SLC9A9: variants seen among roughly 807,000 people sequenced by gnomAD.
The protein encoded by SLC9A9 is solute carrier family 9 member A9.
A neutral mutation model predicts 77.8 loss-of-function variants in SLC9A9; 62 were observed. That is an observed-to-expected ratio of 0.80 (90% CI 0.65 to 0.98). The LOEUF is 0.98. SLC9A9 is among the 50% of genes least tolerant of loss of function. The pLI, the probability that SLC9A9 is intolerant of heterozygous loss-of-function variation, is 0.00. For missense variants in SLC9A9, 775 were observed against 774.9 expected, an observed-to-expected ratio of 1.00 and a Z score of 0.00; for synonymous variants, 320 against 283.5, an observed-to-expected ratio of 1.13 and a Z score of -1.29.
intron 6 of SLC9A9, 107 bp from the exon 7 acceptor site, chr3:143,578,830 G>T (rs896144394): frequency 8.0e-6 from 11 of 1,369,410 alleles, no homozygotes; most frequent in Non-Finnish European, 1.1e-5. Context: ...AATGTTGGGT[G>T]CTGGTTGGAA....
intron 11 of SLC9A9, among the ~76,000 whole-genome samples, chr3:143,480,680 G>A (rs947815128): frequency 6.6e-5 from 10 of 152,304 alleles, no homozygotes; most frequent in East Asian, 1.9e-4. Context: ...GTGGAAGTTC[G>A]TCTTCTTAAA....
chr3:143,753,521 C>T (rs188628460), intron 4 of SLC9A9, among the ~76,000 whole-genome samples: 1 of 152,226 alleles, frequency 6.6e-6, no homozygotes, highest in Non-Finnish European at 1.5e-5. Context: ...TAATGCTGCA[C>T]AAGCATTTTG....
intron 13 of SLC9A9, among the ~76,000 whole-genome samples, chr3:143,368,426 C>G (rs1206039822): frequency 6.6e-6 from 1 of 152,148 alleles, no homozygotes; most frequent in East Asian, 1.9e-4. Context: ...ATTCCTTTGT[C>G]AATATTCAAA....
At chr3:143,835,407 T>G (rs2009543948) in intron 1 of SLC9A9, among the ~76,000 whole-genome samples, 2 of 152,232 alleles carry the variant, frequency 1.3e-5, no homozygotes, top group South Asian at 2.1e-4. Flanking sequence ...AAAAAACCCA[T>G]GCACTCATTT....
intron 4 of SLC9A9, among the ~76,000 whole-genome samples, chr3:143,739,768 T>C (rs988682023): frequency 6.6e-6 from 1 of 152,206 alleles, no homozygotes; most frequent in Admixed American, 6.6e-5. Flanking sequence ...CCAGTGGTTC[T>C]CAGTGTGCTC....
At chr3:143,453,921 A>C (rs1409768272) in intron 12 of SLC9A9, among the ~76,000 whole-genome samples, 1 of 152,136 alleles carries the variant, frequency 6.6e-6, no homozygotes, top group African/African-American at 2.4e-5. Flanking sequence ...CCCATATGAA[A>C]GGGTTTGAAG....
At position 143,755,145 on chromosome 3, in the gene SLC9A9, GT is replaced by G. The variant is rs565110084; in HGVS notation, c.533+39855del. ...AACCACAACTTGCTAGGAAATAGGT[GT>G]TTGCACAATAGGTGATTTAGGAGTC... On this transcript the variant is annotated intron_variant, in intron 4 of 15. Coordinates refer to ENST00000316549, the MANE Select transcript of SLC9A9 (RefSeq NM_173653.4). Among the ~76,000 whole-genome samples the G allele has an allele frequency of 3.6e-3, 551 of 152,262 alleles. 2 individuals carry two copies. The highest frequency in any genetic ancestry group is 0.02 in the Middle Eastern group (6 of 294).
intron 12 of SLC9A9, among the ~76,000 whole-genome samples, chr3:143,390,168 C>A (rs1224839662): frequency 6.6e-6 from 1 of 152,240 alleles, no homozygotes; most frequent in African/African-American, 2.4e-5. Flanking sequence ...ATTTACTTTT[C>A]TCCTAGACAT....
intron 9 of SLC9A9, among the ~76,000 whole-genome samples, chr3:143,496,279 C>T (rs944223409): frequency 6.6e-6 from 1 of 152,124 alleles, no homozygotes; most frequent in African/African-American, 2.4e-5. Flanking sequence ...GGGAAATGTT[C>T]CAGGGGCTAC....
intron 4 of SLC9A9, among the ~76,000 whole-genome samples, chr3:143,725,652 C>T (rs568585093): frequency 2.2e-4 from 30 of 134,728 alleles, no homozygotes; most frequent in African/African-American, 7.6e-4. Context: ...AACCAAACAC[C>T]GCATGTTCTC....
At chr3:143,741,619 C>T (rs1318550793) in intron 4 of SLC9A9, among the ~76,000 whole-genome samples, 2 of 152,094 alleles carry the variant, frequency 1.3e-5, no homozygotes, top group Non-Finnish European at 2.9e-5. Context: ...AGGGAAAAAT[C>T]GTAACTCTAC....
chr3:143,540,879 C>A (rs1419507130), intron 9 of SLC9A9, among the ~76,000 whole-genome samples: 3 of 152,058 alleles, frequency 2.0e-5, no homozygotes, highest in African/African-American at 7.2e-5. Context: ...ATTGTTGATA[C>A]TAAATTTTTT....
At chr3:143,667,500 G>C (rs2039088559) in intron 5 of SLC9A9, among the ~76,000 whole-genome samples, 1 of 152,162 alleles carries the variant, frequency 6.6e-6, no homozygotes. Context: ...TTAAACTAAA[G>C]AGCTTTTGCA....
intron 4 of SLC9A9, among the ~76,000 whole-genome samples, chr3:143,790,226 A>T (rs977735984): frequency 1.3e-5 from 2 of 152,196 alleles, no homozygotes; most frequent in African/African-American, 4.8e-5. Context: ...AGCCATGCGG[A>T]ACTGTGAGTC....
intron 14 of SLC9A9, among the ~76,000 whole-genome samples, chr3:143,324,919 C>T (rs1290008227): frequency 6.6e-6 from 1 of 152,170 alleles, no homozygotes; most frequent in Non-Finnish European, 1.5e-5. Flanking sequence ...CCACCTTGTA[C>T]ACTAATTCAG....
At chr3:143,270,089 A>G (rs1221211834) in intron 14 of SLC9A9, among the ~76,000 whole-genome samples, 1 of 152,202 alleles carries the variant, frequency 6.6e-6, no homozygotes, top group Non-Finnish European at 1.5e-5. Context: ...TGATGCGAGG[A>G]GAGTGACTGG....
chr3:143,583,693 A>G (rs1203693323), intron 6 of SLC9A9, among the ~76,000 whole-genome samples: 1 of 152,262 alleles, frequency 6.6e-6, no homozygotes, highest in Non-Finnish European at 1.5e-5. Flanking sequence ...ATGTTTATAA[A>G]GCATTTGAAA....
chr3:143,725,436 C>T (rs923073943), intron 4 of SLC9A9, among the ~76,000 whole-genome samples: 1 of 151,924 alleles, frequency 6.6e-6, no homozygotes, highest in Non-Finnish European at 1.5e-5. Flanking sequence ...CACATGCACA[C>T]GTATGTTTAT....
chr3:143,326,549 T>G (rs2031610160), intron 14 of SLC9A9, among the ~76,000 whole-genome samples: 1 of 151,956 alleles, frequency 6.6e-6, no homozygotes, highest in Non-Finnish European at 1.5e-5. Context: ...CCCCAGGCCT[T>G]TGCATGTGCT....
Sources: gnomAD v4.1 joint callset for allele counts (sites outside exome capture counted in the v4.1 genomes callset) on GRCh38, gnomAD v4.1.1 for gene constraint, MANE v1.5 for transcripts, NCBI Gene and HGNC (gene_info 2026-07-23, HGNC 2026-07-21) for gene names.